Variants in ZNF678 observed in about 807,000 individuals in gnomAD.
The protein encoded by ZNF678 is zinc finger protein 678.
Under a neutral mutation model 3.0 loss-of-function variants are expected in ZNF678, and 5 were observed. That is an observed-to-expected ratio of 1.69 (90% confidence interval 0.88 to 3.56). ZNF678 has a LOEUF of 3.56. Among genes scored for constraint, ZNF678 ranks in the 30% most tolerant of loss-of-function variants. The pLI is 0.00. For synonymous variants in ZNF678, 218 were observed against 199.6 expected (o/e 1.09, Z -0.78); for missense variants, 593 against 605.0 (o/e 0.98, Z 0.21).
At chr1:227,617,564 T>C (rs1558144626) in intron 1 of ZNF678, among the ~76,000 whole-genome samples, 1 of 152,068 alleles carries the variant, frequency 6.6e-6, no homozygotes, top group Non-Finnish European at 1.5e-5. Context: ...TGGACAGTGG[T>C]GAAAAGAAAT....
chr1:227,646,643 G>A lies in ZNF678; in HGVS notation c.-64G>A, dbSNP rs754055526. The A allele has an allele frequency of 5.1e-6, 7 of 1,372,194 alleles. No homozygotes were observed. Among genetic ancestry groups the A allele is most frequent in the Non-Finnish European group, 6.8e-6 (7 of 1,024,712 alleles). 85.0% of individuals were successfully genotyped at this position (1,372,194 alleles called of 1,614,324 possible). A position where few individuals can be genotyped will look rare whatever the true frequency, so the allele number is the denominator to read the frequency against. On this transcript the variant is annotated 5_prime_UTR_variant, in exon 2 of 4. Transcript: ENST00000343776. ...AAATTTGTATAGGGATGTGATGTTC[G>A]AGAACTACAGAAACCTGGTCTCCCT... is the stretch of plus-strand genomic sequence containing the variant.
At position 227,654,672 on chromosome 1, in the gene ZNF678, C is replaced by T. The variant is rs754250352; in HGVS notation, c.422C>T (p.Thr141Ile). The change falls in exon 4 of 4, where the codon ACA (threonine) becomes ATA (isoleucine). Residue 141 changes from threonine (T) to isoleucine (I), a missense_variant. By Grantham distance (89) the Thr-to-Ile change is moderately conservative. Transcript: ENST00000343776. The part of the protein sequence containing the change: ...GKVFNRCSNL[T>I]KHKRIHTGEK... Reference sequence around the variant, plus strand: ...GTTTTCAATCGATGTTCAAACCTAACAAAACATAAAAGAATTCATACTGGA... The same window carrying T: ...GTTTTCAATCGATGTTCAAACCTAATAAAACATAAAAGAATTCATACTGGA... 1 of 1,613,052 alleles carries T rather than the reference C, an allele frequency of 6.2e-7. No individual in the cohort carries two copies. Among genetic ancestry groups the T allele is most frequent in the South Asian group, 1.1e-5 (1 of 91,026 alleles).
downstream of ZNF678, among the ~76,000 whole-genome samples, chr1:227,667,421 T>C (rs1003221127): frequency 5.3e-5 from 8 of 152,194 alleles, no homozygotes; most frequent in Non-Finnish European, 1.2e-4. Flanking sequence ...TGGGCCTTGC[T>C]CTTTCCCCCT....
Position 227,632,234 on chromosome 1 carries a change from T to C in ZNF678, c.-163-14310T>C, listed in dbSNP as rs561744248. ...TAGCCTAGTGCCTAAGGATGCAGTG[T>C]AGAGCTTCCTTAGATCCCTTTGAAG... On this transcript the variant is annotated intron_variant, in intron 1 of 3. Transcript: ENST00000343776. Among the ~76,000 whole-genome samples, 5 of 151,960 alleles carry C rather than the reference T, an allele frequency of 3.3e-5. No individual in the cohort carries two copies. The East Asian group carries it at 9.8e-4, about 30-fold the overall frequency.
At chr1:227,597,472 C>A (rs551404747) in intron 1 of ZNF678, among the ~76,000 whole-genome samples, 1 of 152,162 alleles carries the variant, frequency 6.6e-6, no homozygotes, top group Non-Finnish European at 1.5e-5. Flanking sequence ...ATAAAACATG[C>A]GTTTTAGAAT....
Position 227,659,732 on chromosome 1 carries a change from A to G in ZNF678, c.*3904A>G, listed in dbSNP as rs1364000451. ...CTATCGCTCCATGATGTGTTTAAAA[A>G]TTATTTTTAAATTGACAAAATTTTA... On this transcript the variant is annotated 3_prime_UTR_variant, in exon 4 of 4. Transcript: ENST00000343776. The G allele has an allele frequency of 2.0e-5, 3 of 152,324 alleles. No homozygotes were observed. Among genetic ancestry groups the G allele is most frequent in the Middle Eastern group, 3.4e-3 (1 of 294 alleles). The allele number at this position is 152,324 out of a possible 1,614,324, so 9.4% of individuals were successfully genotyped here. A position where few individuals can be genotyped will look rare whatever the true frequency, so the allele number is the denominator to read the frequency against.
downstream of ZNF678, among the ~76,000 whole-genome samples, chr1:227,679,478 T>C (rs1214019162): frequency 6.6e-6 from 1 of 152,132 alleles, no homozygotes; most frequent in Non-Finnish European, 1.5e-5. Context: ...TTCTGTTTCA[T>C]TCTGATTACC....
chr1:227,582,289 T>G (rs1421976830), intron 1 of ZNF678, among the ~76,000 whole-genome samples: 1 of 152,056 alleles, frequency 6.6e-6, no homozygotes, highest in Admixed American at 6.6e-5. Flanking sequence ...TTCTGGTTAT[T>G]TTTGTTAATT....
rs535425770 is a variant in ZNF678 at position 227,625,055 on chromosome 1, A to G, written c.-163-21489A>G. 2.6e-5 allele frequency among the ~76,000 whole-genome samples: 4 copies of G among 152,264 alleles called. No individual in the cohort carries two copies. The East Asian group carries it at 7.7e-4, about 29-fold the overall frequency. On this transcript the variant is annotated intron_variant, in intron 1 of 3. Coordinates refer to ENST00000343776, the MANE Select transcript of ZNF678 (RefSeq NM_001367909.1). ...GAATGCCTGGGTTTATATCCCAATC[A>G]TTGTCCCTCCCCCTGTGCTCTCAGG... is the stretch of plus-strand genomic sequence containing the variant.
chr1:227,637,468 G>C (rs946411313), intron 1 of ZNF678, among the ~76,000 whole-genome samples: 2 of 152,206 alleles, frequency 1.3e-5, no homozygotes, highest in Non-Finnish European at 2.9e-5. Flanking sequence ...GAGGCAGGCA[G>C]GCCATCTGAG....
chr1:227,578,449 T>C (rs1158344572), intron 1 of ZNF678, among the ~76,000 whole-genome samples: 6 of 152,190 alleles, frequency 3.9e-5, no homozygotes, highest in East Asian at 1.9e-4. Context: ...TAACTCTTTT[T>C]TTTACACTAT....
chr1:227,626,795 T>G (rs1001749686), intron 1 of ZNF678, among the ~76,000 whole-genome samples: 1 of 152,048 alleles, frequency 6.6e-6, no homozygotes, highest in Non-Finnish European at 1.5e-5. Context: ...TAAGTGATAT[T>G]GTATGTCTAA....
intron 5 of ZNF678, among the ~76,000 whole-genome samples, chr1:227,672,466 G>C (rs1659617472): frequency 6.6e-6 from 1 of 152,088 alleles, no homozygotes; most frequent in Non-Finnish European, 1.5e-5. Context: ...GAGGGGCAGA[G>C]GGAATAAATT....
intron 1 of ZNF678, among the ~76,000 whole-genome samples, chr1:227,623,633 A>G (rs531830091): frequency 6.6e-6 from 1 of 152,164 alleles, no homozygotes; most frequent in South Asian, 2.1e-4. Context: ...TCAATATTTT[A>G]TACTAAAATT....
In ZNF678 at chr1:227,655,757, A is replaced by G. The variant is rs759835337; in HGVS notation, c.1507A>G (p.Ile503Val). ...TGGAAAAGGTTTTTACCAATCCTCAATCCATAGTAAGTATAAGAGAATTTA... is the reference window on the plus strand; with the variant it reads ...TGGAAAAGGTTTTTACCAATCCTCAGTCCATAGTAAGTATAAGAGAATTTA... Reference protein sequence around the residue: ...ECGKGFYQSSIHSKYKRIYTG... With the variant: ...ECGKGFYQSSVHSKYKRIYTG... The change falls in exon 4 of 4, where the codon ATC becomes GTC. Residue 503 changes from isoleucine to valine, a missense_variant. Ile to Val is a conservative substitution (Grantham distance 29, BLOSUM62 3). Coordinates refer to ENST00000343776, the MANE Select transcript of ZNF678 (RefSeq NM_001367909.1). 17 of 1,611,126 alleles carry G rather than the reference A, an allele frequency of 1.1e-5. No individual in the cohort carries two copies. Among genetic ancestry groups the G allele is most frequent in the Admixed American group, 3.4e-5 (2 of 59,640 alleles).
At chr1:227,611,482 T>G (rs1163201645) in intron 1 of ZNF678, among the ~76,000 whole-genome samples, 1 of 152,222 alleles carries the variant, frequency 6.6e-6, no homozygotes, top group Non-Finnish European at 1.5e-5. Flanking sequence ...CTTATTGAGA[T>G]AACACATTGA....
intron 1 of ZNF678, among the ~76,000 whole-genome samples, chr1:227,628,915 A>T (rs1330500483): frequency 6.6e-6 from 1 of 152,176 alleles, no homozygotes; most frequent in Non-Finnish European, 1.5e-5. Context: ...GAGAGTCAGG[A>T]TGTACAGGGA....
chr1:227,629,582 T>A (rs1001076193), intron 1 of ZNF678, among the ~76,000 whole-genome samples: 2 of 152,220 alleles, frequency 1.3e-5, no homozygotes, highest in Admixed American at 6.5e-5. Flanking sequence ...GCCGTGCCAG[T>A]GTCCAGGAGA....
rs765603218 is a variant in ZNF678, at chr1:227,640,338, G to A, written c.-163-6206G>A. Among the ~76,000 whole-genome samples the A allele has an allele frequency of 1.1e-3, 164 of 152,222 alleles. 1 individual carries two copies. The highest frequency in any genetic ancestry group is 7.9e-3 in the Admixed American group (121 of 15,294). On this transcript the variant is annotated intron_variant, in intron 1 of 3. Transcript: ENST00000343776. ...GGAAGATGGCTGAGAAGACAACAAG[G>A]AGGCTTGGGGGGTTAAAGAAGATGG...
Sources: allele counts gnomAD v4.1 joint callset (sites outside exome capture counted in the v4.1 genomes callset), GRCh38; gene constraint gnomAD v4.1.1; transcripts MANE v1.5; gene names NCBI Gene and HGNC (gene_info 2026-07-23, HGNC 2026-07-21).